SCYL3: variants seen among roughly 807,000 people sequenced by gnomAD.
SCYL3 encodes the protein protein-associating with the carboxyl-terminal domain of ezrin.
Under a neutral mutation model 73.8 loss-of-function variants are expected in SCYL3, and 35 were observed. The observed-to-expected ratio is 0.47, with a 90% CI of 0.36 to 0.63. SCYL3 has a LOEUF of 0.63. SCYL3 is among the 20% of genes least tolerant of loss of function. The pLI is 0.00. For missense variants in SCYL3, 712 were observed against 798.9 expected, an observed-to-expected ratio of 0.89 and a Z score of 1.31; for synonymous variants, 277 against 295.2, an observed-to-expected ratio of 0.94 and a Z score of 0.63.
At position 169,853,518 on chromosome 1, in the gene SCYL3, C is replaced by T; in HGVS notation, c.*195G>A. 1 of 578,404 alleles carries T rather than the reference C, an allele frequency of 1.7e-6. No homozygotes were observed. The highest frequency in any genetic ancestry group is 3.0e-6 in the Non-Finnish European group (1 of 332,288). 35.8% of individuals were successfully genotyped at this position (578,404 alleles called of 1,614,324 possible). On this transcript the variant is annotated 3_prime_UTR_variant, in exon 13 of 13. Transcript: ENST00000367771. The stretch of plus-strand genomic sequence containing the variant: ...TCCTCCTGGAAACCAGTACTGTGAG[C>T]CTCACCACCCAGGGCTTTTAGCCAG...
At position 169,853,548 on chromosome 1, in the gene SCYL3, C is replaced by CAA. The variant is rs1247618800; in HGVS notation, c.*164_*165insTT. 5 of 693,872 alleles carry CAA rather than the reference C, an allele frequency of 7.2e-6. No individual in the cohort carries two copies. The East Asian group carries it at 1.3e-4, about 18-fold the overall frequency. 43.0% of individuals were successfully genotyped at this position (693,872 alleles called of 1,614,324 possible). ...CCACCCAGGGCTTTTAGCCAGCACT[C>CAA]ACAGTCAGTCTCCTACTTCAGTTGG... is the stretch of plus-strand genomic sequence containing the variant. On this transcript the variant is annotated 3_prime_UTR_variant, in exon 13 of 13. Transcript: ENST00000367771.
At position 169,851,821 on chromosome 1, in the gene SCYL3, G is replaced by A. The variant is rs74523449; in HGVS notation, c.*1892C>T. The A allele has an allele frequency of 3.7e-3, 6,027 of 1,613,748 alleles. 27 individuals are homozygous for A. Among genetic ancestry groups the A allele is most frequent in the Non-Finnish European group, 4.3e-3 (5,080 of 1,179,856 alleles). On this transcript the variant is annotated 3_prime_UTR_variant, in exon 13 of 13. Transcript: ENST00000367771. ...GTTTTTCATGGTCCCTGGCAGACTGGGTTTGTAGATGAAACTGAAGCTGCC... is the reference window on the plus strand; with the variant it reads ...GTTTTTCATGGTCCCTGGCAGACTGAGTTTGTAGATGAAACTGAAGCTGCC...
rs1659645251 is a variant in SCYL3 at position 169,861,468 on chromosome 1, C to T, written c.1140+1145G>A. Among the ~76,000 whole-genome samples the T allele has an allele frequency of 3.3e-5, 5 of 152,342 alleles. No individual in the cohort carries two copies. The South Asian group carries it at 1.0e-3, about 32-fold the overall frequency. ...AGGCGCAGCCTCTCAGCCACCCCTT[C>T]CAAGATACCAAGGAGCCATTTTGGA... On this transcript the variant is annotated intron_variant, in intron 10 of 12. Transcript: ENST00000367771.
At chr1:169,855,927 T>C in intron 11 of SCYL3, 1 of 1,613,808 alleles carries the variant, frequency 6.2e-7, no homozygotes. Flanking sequence ...GATCTGACTG[T>C]GATGGCTGCA....
At chr1:169,874,959 T>C (rs1660693478) in intron 4 of SCYL3, among the ~76,000 whole-genome samples, 1 of 151,998 alleles carries the variant, frequency 6.6e-6, no homozygotes, top group Non-Finnish European at 1.5e-5. Flanking sequence ...AAATGGTAAA[T>C]GAGGCTGAAG....
intron 9 of SCYL3, 28 bp from the exon 10 acceptor site, chr1:169,862,825 G>C: frequency 8.1e-6 from 13 of 1,605,300 alleles, no homozygotes; most frequent in Non-Finnish European, 1.1e-5. Flanking sequence ...GGTTACAGAT[G>C]AAAAAACAAA....
At chr1:169,864,221 T>TA in intron 9 of SCYL3, 148 bp downstream of exon 9, 1 of 1,033,246 alleles carries the variant, frequency 9.7e-7, no homozygotes, top group Non-Finnish European at 1.5e-6. Context: ...AGGTTTGAAT[T>TA]AAAGTTATCA....
intron 5 of SCYL3, among the ~76,000 whole-genome samples, chr1:169,872,725 G>A (rs756337984): frequency 3.3e-5 from 5 of 152,242 alleles, no homozygotes; most frequent in African/African-American, 4.8e-5. Flanking sequence ...TTGCATCAGC[G>A]TGACCCGGAT....
intron 5 of SCYL3, among the ~76,000 whole-genome samples, chr1:169,872,957 C>T (rs946992114): frequency 6.6e-6 from 1 of 152,118 alleles, no homozygotes; most frequent in African/African-American, 2.4e-5. Context: ...TCAGATGAGA[C>T]ATTGGACTAT....
At chr1:169,875,534 G>A (rs1427589713) in intron 4 of SCYL3, among the ~76,000 whole-genome samples, 1 of 152,166 alleles carries the variant, frequency 6.6e-6, no homozygotes, top group Non-Finnish European at 1.5e-5. Flanking sequence ...ATTGTTCAAA[G>A]AACATTTTCT....
At chr1:169,882,302 C>T (rs1390073859) in intron 2 of SCYL3, among the ~76,000 whole-genome samples, 1 of 152,242 alleles carries the variant, frequency 6.6e-6, no homozygotes, top group Non-Finnish European at 1.5e-5. Flanking sequence ...TGCCAGCCCA[C>T]CGGTGCTGCA....
intron 1 of SCYL3, among the ~76,000 whole-genome samples, 166 bp downstream of exon 1, chr1:169,893,622 C>A (rs1478806984): frequency 1.3e-5 from 2 of 151,758 alleles, no homozygotes; most frequent in Admixed American, 6.6e-5. Flanking sequence ...AAGCTGAGAG[C>A]ACAGCTCAAC....
At chr1:169,882,188 C>G (rs1661319718) in intron 2 of SCYL3, among the ~76,000 whole-genome samples, 1 of 152,200 alleles carries the variant, frequency 6.6e-6, no homozygotes, top group African/African-American at 2.4e-5. Context: ...GTGGGCTTGG[C>G]AGGCCCCCCA....
At position 169,853,031 on chromosome 1, in the gene SCYL3, A is replaced by G. The variant is rs981587537; in HGVS notation, c.*682T>C. 6 of 1,580,102 alleles carry G rather than the reference A, an allele frequency of 3.8e-6. No homozygotes were observed. In the African/African-American group the frequency reaches 6.7e-5, roughly 18 times the overall value. ...ACTGGGTTTGATGCTTTGTCAACTG[A>G]AAATACTTATGTCTGTACATTTTCT... On this transcript the variant is annotated 3_prime_UTR_variant, in exon 13 of 13. Coordinates refer to ENST00000367771, the MANE Select transcript of SCYL3 (RefSeq NM_020423.7).
At chr1:169,891,784 A>G (rs934871126) in intron 1 of SCYL3, among the ~76,000 whole-genome samples, 8 of 152,248 alleles carry the variant, frequency 5.3e-5, no homozygotes, top group Non-Finnish European at 1.2e-4. Flanking sequence ...GGCAAGAGAA[A>G]GGAACATTTA....
At chr1:169,878,272 A>C (rs2102190477) in intron 3 of SCYL3, among the ~76,000 whole-genome samples, 1 of 152,376 alleles carries the variant, frequency 6.6e-6, no homozygotes, top group African/African-American at 2.4e-5. Context: ...GAAAACAAAT[A>C]GGAACTTTGG....
At chr1:169,893,748 C>T (rs949952663) in intron 1 of SCYL3, 40 bp downstream of exon 1, 1 of 152,074 alleles carries the variant, frequency 6.6e-6, no homozygotes, top group Non-Finnish European at 1.5e-5. Context: ...ACGGCGCAGT[C>T]CTGCAAGGAC....
intron 7 of SCYL3, among the ~76,000 whole-genome samples, chr1:169,868,042 A>C (rs2102164877): frequency 6.6e-6 from 1 of 152,352 alleles, no homozygotes; most frequent in African/African-American, 2.4e-5. Context: ...AAAAATACAA[A>C]TTTTTAAAAA....
intron 1 of SCYL3, among the ~76,000 whole-genome samples, chr1:169,889,691 GGGAGA>G (rs1164644641): frequency 1.8e-4 from 27 of 152,192 alleles, no homozygotes; most frequent in Middle Eastern, 3.2e-3. Flanking sequence ...GAGGGATCAA[GGGAGA>G]GGAAAGGATT....
Sources: allele counts gnomAD v4.1 joint callset (sites outside exome capture counted in the v4.1 genomes callset), GRCh38; gene constraint gnomAD v4.1.1; transcripts MANE v1.5; gene names NCBI Gene and HGNC (gene_info 2026-07-23, HGNC 2026-07-21).